Variants in PDZD7 observed in about 807,000 individuals in gnomAD.
PDZD7 encodes PDZ domain containing 7.
In PDZD7, 72 loss-of-function variants were observed where a neutral mutation model predicts 84.7. The ratio of observed to expected loss-of-function variants is 0.85; its 90% CI spans 0.70 to 1.03. PDZD7 has a LOEUF of 1.03. Among genes scored for constraint, PDZD7 ranks in the 50% least tolerant of loss-of-function variants. PDZD7 has a pLI of 0.00. For synonymous variants in PDZD7, 594 were observed against 580.7 expected, an observed-to-expected ratio of 1.02 and a Z score of -0.33; for missense variants, 1,490 against 1,412.9, an observed-to-expected ratio of 1.05 and a Z score of -0.87.
intron 11 of PDZD7, 98 bp from the exon 12 acceptor site, chr10:101,012,356 G>A: frequency 9.6e-7 from 1 of 1,041,172 alleles, no homozygotes; most frequent in African/African-American, 1.6e-5. Flanking sequence ...TACGCATGTA[G>A]GGACCTATCC....
intron 6 of PDZD7, among the ~76,000 whole-genome samples, chr10:101,021,396 T>A (rs919260830): frequency 6.6e-6 from 1 of 152,120 alleles, no homozygotes; most frequent in African/African-American, 2.4e-5. Flanking sequence ...AAATCCAACC[T>A]CTGGCCCCAG....
At chr10:101,017,868 AAAG>A (rs1564632405) in intron 9 of PDZD7, 3 of 438,514 alleles carry the variant, frequency 6.8e-6, no homozygotes, top group African/African-American at 3.4e-5. Flanking sequence ...AGAAAGAAAG[AAAG>A]AAAGAAAGAA....
chr10:101,019,352 A>G (rs1852921712), intron 7 of PDZD7, 135 bp from the exon 8 acceptor site: 1 of 1,119,170 alleles, frequency 8.9e-7, no homozygotes, highest in South Asian at 1.6e-5. Flanking sequence ...GTGGTGAGGA[A>G]CCCGCTGCTC....
intron 9 of PDZD7, chr10:101,017,895 A>AAAGAAAGAAAG: frequency 2.5e-6 from 1 of 401,072 alleles, no homozygotes; most frequent in Admixed American, 4.5e-5. Flanking sequence ...AAGAAAGAAA[A>AAAGAAAGAAAG]GAAAGAAAGA....
intron 9 of PDZD7, chr10:101,017,365 G>T: frequency 2.4e-6 from 1 of 424,240 alleles, no homozygotes; most frequent in Non-Finnish European, 4.2e-6. Flanking sequence ...ATCAGCAGCT[G>T]AGCCAAGACG....
At chr10:101,016,262 C>T in intron 10 of PDZD7, 115 bp downstream of exon 10, 1 of 1,063,618 alleles carries the variant, frequency 9.4e-7, no homozygotes. Context: ...TGCCTGATCC[C>T]CCATGCTTGA....
At chr10:101,020,543 C>A in intron 7 of PDZD7, 75 bp downstream of exon 7, 1 of 1,415,790 alleles carries the variant, frequency 7.1e-7, no homozygotes, top group Middle Eastern at 1.9e-4. Context: ...TGGCCCTTTT[C>A]TTCTTCAGAG....
At chr10:101,008,885 C>T in intron 16 of PDZD7, 35 bp from the exon 17 acceptor site, 1 of 1,460,472 alleles carries the variant, frequency 6.8e-7, no homozygotes, top group Non-Finnish European at 9.0e-7. Flanking sequence ...TCCCTCCCTC[C>T]TCATGTCACC....
chr10:101,029,481 C>T (rs1937929358), intron 2 of PDZD7, among the ~76,000 whole-genome samples: 1 of 152,244 alleles, frequency 6.6e-6, no homozygotes, highest in Non-Finnish European at 1.5e-5. Context: ...CTCTTCTGAA[C>T]ATTTGCTGTG....
intron 6 of PDZD7, among the ~76,000 whole-genome samples, chr10:101,021,023 G>A (rs527928275): frequency 6.6e-6 from 1 of 152,312 alleles, no homozygotes; most frequent in East Asian, 1.9e-4. Flanking sequence ...TATCTGTCCT[G>A]TTCACTGTTG....
intron 11 of PDZD7, among the ~76,000 whole-genome samples, chr10:101,015,266 C>T (rs1852562563): frequency 6.6e-6 from 1 of 152,138 alleles, no homozygotes; most frequent in Non-Finnish European, 1.5e-5. Context: ...CTCACTTTCC[C>T]CACGTGGCAC....
intron 9 of PDZD7, chr10:101,017,259 G>A (rs1050931509): frequency 1.3e-5 from 3 of 230,082 alleles, no homozygotes; most frequent in African/African-American, 6.8e-5. Flanking sequence ...TTACCCCCAG[G>A]TGGGCAAAGC....
chr10:101,010,495 G>A lies in PDZD7; in HGVS notation c.2394C>T (p.Ser798=). 6.5e-7 allele frequency: 1 copy of A among 1,534,484 alleles called. No individual in the cohort carries two copies. The highest frequency in any genetic ancestry group is 8.7e-7 in the Non-Finnish European group (1 of 1,145,610). The change falls in exon 15 of 17, where the codon TCC becomes TCT. Residue 798 remains serine (S), a synonymous_variant. Coordinates refer to ENST00000619208, the MANE Select transcript of PDZD7 (RefSeq NM_001195263.2). The stretch of plus-strand genomic sequence containing the variant: ...TGCTGGGGGCAGGGGTAGGCACCGG[G>A]GATGGGGAGCGTCTACCTGGAGACT... ...QGKSPGRRSP[S]PVPTPAPSMT...
chr10:101,012,899 G>A (rs11190791), intron 11 of PDZD7, among the ~76,000 whole-genome samples: 3,833 of 152,300 alleles, frequency 0.025, 156 homozygotes, highest in African/African-American at 0.083. Flanking sequence ...GCGGGGTGGA[G>A]CCCCTTCTGC....
chr10:101,010,841 G>C lies in PDZD7; in HGVS notation c.2048C>G (p.Pro683Arg). Residue 683 changes from proline to arginine, a missense_variant, in exon 15 of 17, where the codon CCG becomes CGG. Pro to Arg is a moderately radical substitution (Grantham distance 103). Coordinates refer to ENST00000619208, the MANE Select transcript of PDZD7 (RefSeq NM_001195263.2). ...CAGCTCCCCATTATCTTCCTCTTCC[G>C]GGAAGCCGTTCACCGGCAGCAGGTA... ...GFYLLPVNGF[P>R]EEEDNGELRE... is the part of the protein sequence containing the mutation. 6.5e-7 allele frequency: 1 copy of C among 1,534,764 alleles called. No homozygotes were observed. The highest frequency in any genetic ancestry group is 8.7e-7 in the Non-Finnish European group (1 of 1,146,896).
chr10:101,017,991 T>C lies in PDZD7; in HGVS notation c.1522+108A>G, dbSNP rs570077128. 1.9e-4 allele frequency: 260 copies of C among 1,340,982 alleles called. 3 individuals carry two copies. The South Asian group carries it at 2.5e-3, about 13-fold the overall frequency. 83.1% of individuals were successfully genotyped at this position (1,340,982 alleles called of 1,614,324 possible). On this transcript the variant is annotated intron_variant, in intron 9 of 16. Coordinates refer to ENST00000619208, the MANE Select transcript of PDZD7 (RefSeq NM_001195263.2). ...GAAACTGAGGCTCTCAGGGGTTGAGTAGGGACTCAGCTGGTAAGACGCGGT... is the reference window on the plus strand; with the variant it reads ...GAAACTGAGGCTCTCAGGGGTTGAGCAGGGACTCAGCTGGTAAGACGCGGT...
Position 101,008,332 on chromosome 10 carries a change from A to G in PDZD7, c.*135T>C. ...GCTGAGGAGGGAAGAAAGTGGAAAG[A>G]TGTGAGCCACCAGTGTGGCACTGGG... On this transcript the variant is annotated 3_prime_UTR_variant, in exon 17 of 17. Transcript: ENST00000619208. The G allele has an allele frequency of 1.1e-6, 1 of 908,846 alleles. No individual in the cohort carries two copies. The allele number at this position is 908,846 out of a possible 1,614,324, so 56.3% of individuals were successfully genotyped here.
intron 2 of PDZD7, among the ~76,000 whole-genome samples, chr10:101,024,513 G>A (rs1937597056): frequency 2.0e-5 from 3 of 152,184 alleles, no homozygotes; most frequent in Admixed American, 2.0e-4. Flanking sequence ...AAAGTGTTGG[G>A]ATTATAGGTA....
rs1938039326 is a variant in PDZD7 at position 101,030,234 on chromosome 10, G to A, written c.-15C>T. 6.3e-7 allele frequency: 1 copy of A among 1,586,066 alleles called. No homozygotes were observed. The highest frequency in any genetic ancestry group is 1.8e-5 in the Admixed American group (1 of 54,966). The stretch of plus-strand genomic sequence containing the variant: ...CCCTGCGCCATGGCGGCTGGGCTAG[G>A]GCGGCACCCTACAGGTCCAGAAGGA... On this transcript the variant is annotated 5_prime_UTR_variant, in exon 2 of 17. Coordinates refer to ENST00000619208, the MANE Select transcript of PDZD7 (RefSeq NM_001195263.2).
Sources: allele counts gnomAD v4.1 joint callset (sites outside exome capture counted in the v4.1 genomes callset), GRCh38; gene constraint gnomAD v4.1.1; transcripts MANE v1.5; gene names NCBI Gene and HGNC (gene_info 2026-07-23, HGNC 2026-07-21).